The following PLEKHG4B variants were observed in gnomAD, a reference collection of about 807,000 sequenced individuals.
PLEKHG4B encodes pleckstrin homology and RhoGEF domain containing G4B, also known as pleckstrin homology domain-containing family G member 4B.
PLEKHG4B carries 111 observed loss-of-function variants against 121.3 expected under a neutral mutation model. The observed-to-expected ratio is 0.92, with a 90% confidence interval of 0.78 to 1.07. The LOEUF (loss-of-function observed/expected upper bound fraction) is 1.07. PLEKHG4B is among the 50% of genes least tolerant of loss of function. The pLI, the probability that PLEKHG4B is intolerant of heterozygous loss-of-function variation, is 0.00. For missense variants in PLEKHG4B, 1,831 were observed against 1,757.8 expected (o/e 1.04, Z -0.74); for synonymous variants, 738 against 725.0 (o/e 1.02, Z -0.29).
Position 182,854 on chromosome 5 carries a change from G to T in PLEKHG4B, c.*531G>T. ...TGCCTGCATGGGGAAAGACTCACCA[G>T]ATCAGCCCCTCCAGCACCTAGTGGG... On this transcript the variant is annotated 3_prime_UTR_variant, in exon 20 of 20. Coordinates refer to ENST00000637938, the MANE Select transcript of PLEKHG4B (RefSeq NM_052909.5). 6.2e-6 allele frequency: 1 copy of T among 162,136 alleles called. No homozygotes were observed. The highest frequency in any genetic ancestry group is 1.4e-5 in the Non-Finnish European group (1 of 72,646). The allele number at this position is 162,136 out of a possible 1,614,324, so 10.0% of individuals were successfully genotyped here. A position where few individuals can be genotyped will look rare whatever the true frequency, so the allele number is the denominator to read the frequency against.
Position 151,542 on chromosome 5 carries a change from C to T in PLEKHG4B, c.1935C>T (p.Ile645=), listed in dbSNP as rs773915788. ...QNNTSPIIHS[I]LLLVDKESAF... Reference sequence around the variant, plus strand: ...ACACATCTCCTATAATTCATAGTATCTTGCTGTTGGTAGATAAAGAATCTG... The same window carrying T: ...ACACATCTCCTATAATTCATAGTATTTTGCTGTTGGTAGATAAAGAATCTG... The change falls in exon 7 of 20, where the codon ATC becomes ATT. Residue 645 remains isoleucine (I), a synonymous_variant. Coordinates refer to ENST00000637938, the MANE Select transcript of PLEKHG4B (RefSeq NM_052909.5). The T allele has an allele frequency of 6.3e-7, 1 of 1,583,556 alleles. No homozygotes were observed. Among genetic ancestry groups the T allele is most frequent in the Non-Finnish European group, 8.7e-7 (1 of 1,153,602 alleles).
intron 9 of PLEKHG4B, among the ~76,000 whole-genome samples, chr5:155,660 C>G (rs1267700487): frequency 6.6e-6 from 1 of 152,210 alleles, no homozygotes; most frequent in Non-Finnish European, 1.5e-5. Flanking sequence ...GAAAACCGTG[C>G]CACAGCATTT....
intron 18 of PLEKHG4B, among the ~76,000 whole-genome samples, chr5:176,448 G>T (rs906332105): frequency 1.3e-5 from 2 of 152,232 alleles, no homozygotes. Context: ...TGATTCAAGC[G>T]CAAAGCATGA....
chr5:155,084 C>T (rs889856753), intron 8 of PLEKHG4B, 93 bp downstream of exon 8: 15 of 1,074,524 alleles, frequency 1.4e-5, no homozygotes, highest in Middle Eastern at 2.1e-4. Flanking sequence ...AGGGCATCAC[C>T]GTCCCTGATC....
chr5:164,005 G>C (rs1051683144), intron 13 of PLEKHG4B, among the ~76,000 whole-genome samples: 1 of 152,248 alleles, frequency 6.6e-6, no homozygotes, highest in Non-Finnish European at 1.5e-5. Flanking sequence ...CAAAGGACGC[G>C]TCCACTCATT....
intron 2 of PLEKHG4B, among the ~76,000 whole-genome samples, chr5:115,617 A>G (rs917452095): frequency 6.6e-6 from 1 of 152,186 alleles, no homozygotes; most frequent in African/African-American, 2.4e-5. Flanking sequence ...ACCTTCATCA[A>G]TGGTCTTAGC....
chr5:106,569 C>T (rs1399284368), intron 1 of PLEKHG4B, among the ~76,000 whole-genome samples: 1 of 152,196 alleles, frequency 6.6e-6, no homozygotes, highest in Non-Finnish European at 1.5e-5. Flanking sequence ...TGTAATTGTC[C>T]ACAGCGTGCT....
rs1223592697 is a variant in PLEKHG4B, at chr5:185,513, G to A, written c.*3190G>A. 1.3e-5 allele frequency: 2 copies of A among 152,214 alleles called. No individual in the cohort carries two copies. Among genetic ancestry groups the A allele is most frequent in the Non-Finnish European group, 2.9e-5 (2 of 68,054 alleles). The allele number at this position is 152,214 out of a possible 1,614,324, so 9.4% of individuals were successfully genotyped here. ...ACAGCCACCATCACACAGCCCCAGA[G>A]GCCGCCCAGGCTCTAGCCACACTCT... On this transcript the variant is annotated 3_prime_UTR_variant, in exon 20 of 20. Transcript: ENST00000637938.
rs1733902348 is a variant in PLEKHG4B, at chr5:104,082, C to T, written c.46-9169C>T. ...AAACAACCTCAGCCAGTCCCAGCACCGATTCCTAAACAACCACAGCCAGTC... is the reference window on the plus strand; with the variant it reads ...AAACAACCTCAGCCAGTCCCAGCACTGATTCCTAAACAACCACAGCCAGTC... On this transcript the variant is annotated intron_variant, in intron 1 of 19. Transcript: ENST00000637938. Among the ~76,000 whole-genome samples, 3 of 147,628 alleles carry T rather than the reference C, an allele frequency of 2.0e-5. No homozygotes were observed. The South Asian group carries it at 6.6e-4, about 33-fold the overall frequency.
intron 1 of PLEKHG4B, among the ~76,000 whole-genome samples, chr5:107,680 G>C (rs939916101): frequency 2.4e-4 from 36 of 152,354 alleles, no homozygotes; most frequent in African/African-American, 8.2e-4. Context: ...CTGGAGGACG[G>C]GGGTTGCCCT....
rs1209447595 is a variant in PLEKHG4B at position 189,683 on chromosome 5, C to A, written c.*7360C>A. 1 of 148,700 alleles carries A rather than the reference C, an allele frequency of 6.7e-6. No homozygotes were observed. Among genetic ancestry groups the A allele is most frequent in the Non-Finnish European group, 1.5e-5 (1 of 68,034 alleles). The allele number at this position is 148,700 out of a possible 1,614,324, so 9.2% of individuals were successfully genotyped here. ...GGAACCCCAAGAGGACCACCCCTCT[C>A]TAAAAGAAGGGAAAACAGTAAGCGA... On this transcript the variant is annotated 3_prime_UTR_variant, in exon 20 of 20. Coordinates refer to ENST00000637938, the MANE Select transcript of PLEKHG4B (RefSeq NM_052909.5).
At chr5:164,579 A>ACACAGTAATGCTGTGACGGAGCGGAGCT (rs1560944868) in intron 13 of PLEKHG4B, among the ~76,000 whole-genome samples, 7 of 107,192 alleles carry the variant, frequency 6.5e-5, no homozygotes, top group Non-Finnish European at 1.1e-4. Context: ...GGCGGAGCTC[A>ACACAGTAATGCTGTGACGGAGCGGAGCT]CACAGTAATG....
intron 2 of PLEKHG4B, among the ~76,000 whole-genome samples, chr5:133,922 GCA>G (rs776876090): frequency 4.3e-4 from 60 of 140,864 alleles, no homozygotes; most frequent in Admixed American, 1.1e-3. Context: ...TGACACACAC[GCA>G]CACACACACA....
intron 16 of PLEKHG4B, 79 bp downstream of exon 16, chr5:171,523 GCA>G: frequency 7.4e-7 from 1 of 1,355,014 alleles, no homozygotes; most frequent in South Asian, 1.4e-5. Flanking sequence ...GGCCCCAGCA[GCA>G]CACTTTTCTT....
At chr5:143,301 C>T in intron 4 of PLEKHG4B, 45 bp downstream of exon 4, 1 of 1,608,002 alleles carries the variant, frequency 6.2e-7, no homozygotes, top group Non-Finnish European at 8.5e-7. Context: ...GATCTGACAT[C>T]TAAGCCGACA....
At position 156,919 on chromosome 5, in the gene PLEKHG4B, C is replaced by G. The variant is rs2126426906; in HGVS notation, c.2487+8C>G. 6.2e-7 allele frequency: 1 copy of G among 1,611,494 alleles called. No homozygotes were observed. Among genetic ancestry groups the G allele is most frequent in the South Asian group, 1.1e-5 (1 of 90,380 alleles). On this transcript the variant is annotated splice_region_variant and intron_variant, in intron 11 of 19. Coordinates refer to ENST00000637938, the MANE Select transcript of PLEKHG4B (RefSeq NM_052909.5). The surrounding 1 kb of genome is among the most constrained non-coding windows in gnomAD (Gnocchi z 4.4). ...CTGGAAGGGAATGACCAGGTCAGAG[C>G]TGCAGGAGGAAGGCGGCCCGGTCAG...
chr5:116,302 T>C (rs1379424327), intron 2 of PLEKHG4B, among the ~76,000 whole-genome samples: 1 of 152,200 alleles, frequency 6.6e-6, no homozygotes, highest in East Asian at 1.9e-4. Flanking sequence ...GCATGGTTCA[T>C]GGCACACCAA....
intron 18 of PLEKHG4B, among the ~76,000 whole-genome samples, chr5:181,088 C>T (rs1358103947): frequency 1.3e-5 from 2 of 152,238 alleles, no homozygotes. Context: ...CCCAAACTCT[C>T]ACCTTATGCT....
chr5:182,654 G>T lies in PLEKHG4B; in HGVS notation c.*331G>T. On this transcript the variant is annotated 3_prime_UTR_variant, in exon 20 of 20. Transcript: ENST00000637938. ...AAGACATTTGGCAACAAAGGACCGC[G>T]ATCCCTGAGAGACAGGAAAACGGGA... is the stretch of plus-strand genomic sequence containing the variant. 1 of 293,978 alleles carries T rather than the reference G, an allele frequency of 3.4e-6. No individual in the cohort carries two copies. Among genetic ancestry groups the T allele is most frequent in the Non-Finnish European group, 6.5e-6 (1 of 153,822 alleles). 18.2% of individuals were successfully genotyped at this position (293,978 alleles called of 1,614,324 possible).
Sources: allele counts gnomAD v4.1 joint callset (sites outside exome capture counted in the v4.1 genomes callset), GRCh38; gene constraint gnomAD v4.1.1; non-coding constraint Gnocchi (gnomAD v3.1); transcripts MANE v1.5; gene names NCBI Gene and HGNC (gene_info 2026-07-23, HGNC 2026-07-21).